Variants in ATP11B observed in about 807,000 individuals in gnomAD.
ATP11B encodes the protein phospholipid-transporting ATPase IF.
A neutral mutation model predicts 157.8 loss-of-function variants in ATP11B; 81 were observed. The ratio of observed to expected loss-of-function variants is 0.51; its 90% CI spans 0.43 to 0.62. ATP11B has a LOEUF of 0.62. Among genes scored for constraint, ATP11B ranks in the 20% least tolerant of loss-of-function variants. The pLI, the probability that ATP11B is intolerant of heterozygous loss-of-function variation, is 0.00. For synonymous variants in ATP11B, 451 were observed against 469.4 expected (o/e 0.96, Z 0.51); for missense variants, 1,165 against 1,402.2 (o/e 0.83, Z 2.70).
intron 27 of ATP11B, 124 bp from the exon 28 acceptor site, chr3:182,898,483 C>G: frequency 1.6e-6 from 1 of 607,566 alleles, no homozygotes; most frequent in South Asian, 4.3e-5. Context: ...TTAAATTATA[C>G]TGATTTCAGT....
intron 1 of ATP11B, among the ~76,000 whole-genome samples, chr3:182,795,851 A>G (rs541547592): frequency 6.6e-6 from 1 of 152,242 alleles, no homozygotes; most frequent in East Asian, 1.9e-4. Flanking sequence ...TTATACTTCC[A>G]GTGGCTTAAT....
chr3:182,821,647 A>G (rs1015655115), intron 2 of ATP11B, among the ~76,000 whole-genome samples: 2 of 152,228 alleles, frequency 1.3e-5, no homozygotes, highest in African/African-American at 4.8e-5. Context: ...TATGATGGCC[A>G]ATAAATTATA....
intron 10 of ATP11B, among the ~76,000 whole-genome samples, chr3:182,850,593 G>A (rs911300998): frequency 2.0e-5 from 3 of 152,162 alleles, no homozygotes; most frequent in African/African-American, 7.2e-5. Flanking sequence ...AACAGATGCT[G>A]GCAGGGATAT....
At chr3:182,842,312 AAGC>A in intron 8 of ATP11B, among the ~76,000 whole-genome samples, 190 bp downstream of exon 8, 1 of 152,134 alleles carries the variant, frequency 6.6e-6, no homozygotes. Context: ...CATTCAGTGC[AAGC>A]TAGAGTGTTT....
chr3:182,866,420 G>A lies in ATP11B; in HGVS notation c.1596G>A (p.Lys532=). 6.2e-7 allele frequency: 1 copy of A among 1,608,232 alleles called. No individual in the cohort carries two copies. Among genetic ancestry groups the A allele is most frequent in the African/African-American group, 1.3e-5 (1 of 74,902 alleles). ...ACTATGCATCTTCACCAGATGAAAA[G>A]GCTCTAGTAGAAGCTGCTGCAAGGT... ...LEYYASSPDE[K]ALVEAAARIG... is the part of the protein sequence containing the mutation. Residue 532 remains lysine, a synonymous_variant, in exon 14 of 30, where the codon AAG becomes AAA. Coordinates refer to ENST00000323116, the MANE Select transcript of ATP11B (RefSeq NM_014616.3).
chr3:182,905,874 G>A, intron 28 of ATP11B: 1 of 456,712 alleles, frequency 2.2e-6, no homozygotes, highest in Non-Finnish European at 4.4e-6. Flanking sequence ...GTAGGCACCT[G>A]CTAGCTGAGG....
At position 182,898,779 on chromosome 3, in the gene ATP11B, A is replaced by G. The variant is rs1350155011; in HGVS notation, c.3318+7A>G. ...AAGTACTGAAAAGGCACAGGTAACC[A>G]CTTTTTATAATAAATTCAATATCTT... On this transcript the variant is annotated splice_region_variant and intron_variant, in intron 28 of 29. Transcript: ENST00000323116. 2.7e-6 allele frequency: 4 copies of G among 1,483,424 alleles called. No individual in the cohort carries two copies. Among genetic ancestry groups the G allele is most frequent in the African/African-American group, 2.9e-5 (2 of 69,804 alleles). 91.9% of individuals were successfully genotyped at this position (1,483,424 alleles called of 1,614,324 possible).
At chr3:182,816,406 G>A (rs1716971474) in intron 1 of ATP11B, among the ~76,000 whole-genome samples, 1 of 152,200 alleles carries the variant, frequency 6.6e-6, no homozygotes, top group South Asian at 2.1e-4. Context: ...AATGTATTAT[G>A]TGCCAAAGGT....
Position 182,827,121 on chromosome 3 carries a change from A to C in ATP11B, c.145-999A>C, listed in dbSNP as rs141587600. On this transcript the variant is annotated intron_variant, in intron 2 of 29. Transcript: ENST00000323116. ...TAAATAAAATGATATCCCTGGCCTC[A>C]GGGATCTTATATTCTTCTGGGAGGA... 5.0e-3 allele frequency among the ~76,000 whole-genome samples: 768 copies of C among 152,296 alleles called. 8 individuals carry two copies. Among genetic ancestry groups the C allele is most frequent in the African/African-American group, 0.017 (722 of 41,580 alleles).
chr3:182,912,227 C>T (rs994662825), intron 28 of ATP11B, among the ~76,000 whole-genome samples: 8 of 152,084 alleles, frequency 5.3e-5, no homozygotes, highest in African/African-American at 1.9e-4. Context: ...TAAACTGTTC[C>T]TCTGAATATG....
chr3:182,819,086 T>C (rs1051023989), intron 1 of ATP11B, among the ~76,000 whole-genome samples: 8 of 148,632 alleles, frequency 5.4e-5, no homozygotes, highest in African/African-American at 1.7e-4. Flanking sequence ...TTTCTTTTTT[T>C]TTTTTTTTGA....
intron 4 of ATP11B, among the ~76,000 whole-genome samples, chr3:182,831,893 T>C (rs1235795264): frequency 6.6e-6 from 1 of 152,226 alleles, no homozygotes; most frequent in African/African-American, 2.4e-5. Flanking sequence ...ATTTATTCTA[T>C]ATACCTGCTT....
chr3:182,836,488 T>A lies in ATP11B; in HGVS notation c.552+18T>A. On this transcript the variant is annotated intron_variant, in intron 6 of 29. Coordinates refer to ENST00000323116, the MANE Select transcript of ATP11B (RefSeq NM_014616.3). ...ACCTGAAGGTTTGCTTGCATATGTT[T>A]GAGTATTGCTCTTGGTGAACAAAGT... The A allele has an allele frequency of 6.2e-7, 1 of 1,613,736 alleles. No homozygotes were observed. The highest frequency in any genetic ancestry group is 8.5e-7 in the Non-Finnish European group (1 of 1,179,762).
Position 182,845,009 on chromosome 3 carries a change from T to TTTTTTTTTTTTTTTTTTTTTTTTTA in ATP11B, c.705-443_705-442insTTTTTTTTTTTTTTTTTTATTTTTT. Among the ~76,000 whole-genome samples the TTTTTTTTTTTTTTTTTTTTTTTTTA allele has an allele frequency of 1.8e-5, 2 of 112,090 alleles. 1 individual carries two copies. The highest frequency in any genetic ancestry group is 3.5e-5 in the Non-Finnish European group (2 of 57,386). 73.5% of individuals were successfully genotyped at this position (112,090 alleles called of 152,430 possible). On this transcript the variant is annotated intron_variant, in intron 8 of 29. Transcript: ENST00000323116. The stretch of plus-strand genomic sequence containing the variant: ...TTTTTTTTTTATTTTTTTTTTTATT[T>TTTTTTTTTTTTTTTTTTTTTTTTTA]TTTTTTATTTTTGAGATGGAGTCTC...
At position 182,866,396 on chromosome 3, in the gene ATP11B, C is replaced by T. The variant is rs771097291; in HGVS notation, c.1572C>T (p.Tyr524=). The T allele has an allele frequency of 6.2e-7, 1 of 1,613,326 alleles. No individual in the cohort carries two copies. Among genetic ancestry groups the T allele is most frequent in the South Asian group, 1.1e-5 (1 of 90,918 alleles). ...QSNLAPSQLE[Y]YASSPDEKAL... is the part of the protein sequence containing the mutation. ...ACCTGGCACCATCGCAGTTGGAGTA[C>T]TATGCATCTTCACCAGATGAAAAGG... Residue 524 remains tyrosine, a synonymous_variant, in exon 14 of 30, where the codon TAC becomes TAT. Coordinates refer to ENST00000323116, the MANE Select transcript of ATP11B (RefSeq NM_014616.3).
chr3:182,888,253 A>G (rs1484532184), intron 24 of ATP11B, among the ~76,000 whole-genome samples: 1 of 152,230 alleles, frequency 6.6e-6, no homozygotes, highest in Non-Finnish European at 1.5e-5. Context: ...TACCACTTAT[A>G]GAGTCATCTC....
intron 25 of ATP11B, among the ~76,000 whole-genome samples, chr3:182,895,726 G>T (rs1044945429): frequency 2.6e-5 from 4 of 152,130 alleles, no homozygotes; most frequent in African/African-American, 9.7e-5. Context: ...GAGCCCACTG[G>T]CTGCTTACAG....
intron 4 of ATP11B, among the ~76,000 whole-genome samples, chr3:182,832,652 A>G (rs1409018807): frequency 6.6e-6 from 1 of 152,152 alleles, no homozygotes; most frequent in East Asian, 1.9e-4. Context: ...ACACTTTAAT[A>G]TGAATGAGGT....
Position 182,917,040 on chromosome 3 carries a change from T to C in ATP11B, c.3453-983T>C, listed in dbSNP as rs117981150. On this transcript the variant is annotated intron_variant, in intron 29 of 29. Coordinates refer to ENST00000323116, the MANE Select transcript of ATP11B (RefSeq NM_014616.3). ...AAGTCCTTCCCTAACCTAAGGTAGA[T>C]ACTGTTCCAGCTTTTCTAGAAACTA... 4.0e-4 allele frequency: 396 copies of C among 985,368 alleles called. 2 individuals are homozygous for C. In the East Asian group the frequency reaches 8.0e-3, roughly 20 times the overall value. 61.0% of individuals were successfully genotyped at this position (985,368 alleles called of 1,614,324 possible).
Sources: gnomAD v4.1 joint callset for allele counts (sites outside exome capture counted in the v4.1 genomes callset) on GRCh38, gnomAD v4.1.1 for gene constraint, MANE v1.5 for transcripts, NCBI Gene and HGNC (gene_info 2026-07-23, HGNC 2026-07-21) for gene names.